Variants in INTS6 observed in about 807,000 individuals in gnomAD.
The protein encoded by INTS6 is DEAD box protein.
INTS6 carries 16 observed loss-of-function variants against 104.9 expected under a neutral mutation model. That is an observed-to-expected ratio of 0.15 (90% confidence interval 0.10 to 0.23). The LOEUF is 0.23. Among genes scored for constraint, INTS6 ranks in the 10% least tolerant of loss-of-function variants. The pLI is 1.00. For synonymous variants in INTS6, 324 were observed against 358.7 expected, an observed-to-expected ratio of 0.90 and a Z score of 1.09; for missense variants, 584 against 1,062.8, an observed-to-expected ratio of 0.55 and a Z score of 6.26.
At chr13:51,438,620 A>G (rs1952737865) in intron 3 of INTS6, 1 of 152,244 alleles carries the variant, frequency 6.6e-6, no homozygotes, top group African/African-American at 2.4e-5. Flanking sequence ...AATTTAAAAT[A>G]AAGACCTTCT....
intron 4 of INTS6, among the ~76,000 whole-genome samples, chr13:51,420,309 T>C (rs1237669066): frequency 6.6e-6 from 1 of 151,580 alleles, no homozygotes; most frequent in Non-Finnish European, 1.5e-5. Flanking sequence ...ATTTTTTTTT[T>C]TTTTTACTAA....
At chr13:51,349,576 C>T (rs1215106455), downstream of INTS6, among the ~76,000 whole-genome samples, 2 of 152,182 alleles carry the variant, frequency 1.3e-5, no homozygotes, top group African/African-American at 2.4e-5. Flanking sequence ...CGAGAATTCG[C>T]CACAACCTTT....
the INTS6 span, among the ~76,000 whole-genome samples, chr13:51,344,704 GCA>G: frequency 8.0e-5 from 12 of 150,364 alleles, no homozygotes; most frequent in Admixed American, 4.0e-4. Flanking sequence ...ATACACATGG[GCA>G]CACACACACA....
chr13:51,403,765 G>A (rs1956495478), intron 4 of INTS6, among the ~76,000 whole-genome samples: 1 of 152,034 alleles, frequency 6.6e-6, no homozygotes, highest in Non-Finnish European at 1.5e-5. Flanking sequence ...CACGAGTTTG[G>A]AAAAGGGAAA....
chr13:51,451,761 C>T (rs1262779176), intron 2 of INTS6, among the ~76,000 whole-genome samples: 1 of 148,620 alleles, frequency 6.7e-6, no homozygotes, highest in African/African-American at 2.5e-5. Flanking sequence ...CGGGCCGGGC[C>T]GGGAGGGGAC....
chr13:51,449,458 CAAGCAGTTTTTCGAAGG>C, intron 3 of INTS6: 1 of 984,614 alleles, frequency 1.0e-6, no homozygotes, highest in Non-Finnish European at 1.2e-6. Context: ...CTCTCCATGA[CAAGCAGTTTTTCGAAGG>C]AAGCAATCTT....
At chr13:51,381,612 T>C (rs1024731505) in intron 10 of INTS6, among the ~76,000 whole-genome samples, 51 of 152,302 alleles carry the variant, frequency 3.3e-4, no homozygotes, top group Admixed American at 2.0e-3. Context: ...TATGCTCAAT[T>C]TTCATGTCAT....
chr13:51,404,851 A>C (rs9316539), intron 4 of INTS6, among the ~76,000 whole-genome samples: 32,382 of 152,070 alleles, frequency 0.21, 3,535 homozygotes, highest in South Asian at 0.34. Context: ...ACATGTGGGG[A>C]CTTTTAAAAA....
chr13:51,341,049 C>T, the INTS6 span: 1 of 1,600,112 alleles, frequency 6.2e-7, no homozygotes. Context: ...CCAGCCTACC[C>T]TGCATCTCTT....
Position 51,361,816 on chromosome 13 carries a change from T to G in INTS6, c.*3936A>C. The G allele has an allele frequency of 6.2e-7, 1 of 1,604,384 alleles. No individual in the cohort carries two copies. The highest frequency in any genetic ancestry group is 2.2e-5 in the East Asian group (1 of 44,748). ...TTTTCTTTCTTTCCTGCAGCTCTGT[T>G]GTTATTGAAAAGGTCTCGGATTCCT... On this transcript the variant is annotated 3_prime_UTR_variant, in exon 18 of 18. Transcript: ENST00000311234.
chr13:51,365,260 G>A lies in INTS6; in HGVS notation c.*492C>T, dbSNP rs930068075. On this transcript the variant is annotated 3_prime_UTR_variant, in exon 18 of 18. Transcript: ENST00000311234. ...AGCATTTATTGATGGAATAACAAAA[G>A]TGCTTTTCTTAAATATTCTTCAAAA... 6.6e-6 allele frequency: 1 copy of A among 152,426 alleles called. No homozygotes were observed. Among genetic ancestry groups the A allele is most frequent in the African/African-American group, 2.4e-5 (1 of 41,406 alleles). 9.4% of individuals were successfully genotyped at this position (152,426 alleles called of 1,614,324 possible).
intron 4 of INTS6, among the ~76,000 whole-genome samples, chr13:51,427,514 C>T (rs1165833211): frequency 6.6e-6 from 1 of 152,124 alleles, no homozygotes; most frequent in African/African-American, 2.4e-5. Context: ...TTCACAATAT[C>T]TCACAACATT....
chr13:51,444,672 C>G (rs1191936089), intron 3 of INTS6: 1 of 151,636 alleles, frequency 6.6e-6, no homozygotes, highest in Non-Finnish European at 1.5e-5. Context: ...TGGCTTGAAC[C>G]CGGGAGGCAG....
intron 3 of INTS6, among the ~76,000 whole-genome samples, chr13:51,436,007 A>G (rs1016085796): frequency 6.6e-6 from 1 of 152,094 alleles, no homozygotes; most frequent in African/African-American, 2.4e-5. Context: ...CAGTAAGATT[A>G]TTATTTTTAT....
chr13:51,415,147 G>C (rs920926159), intron 4 of INTS6, among the ~76,000 whole-genome samples: 1 of 150,698 alleles, frequency 6.6e-6, no homozygotes, highest in East Asian at 1.9e-4. Flanking sequence ...AGGAAAGGAT[G>C]TACTAAATGG....
chr13:51,387,170 C>G (rs1006486051), intron 7 of INTS6, among the ~76,000 whole-genome samples: 1 of 152,070 alleles, frequency 6.6e-6, no homozygotes, highest in African/African-American at 2.4e-5. Flanking sequence ...AGATTCTAAA[C>G]GAAGGAGATG....
In INTS6 at chr13:51,452,809, C is replaced by G. The variant is rs1174640716; in HGVS notation, c.-284G>C. The G allele has an allele frequency of 1.8e-5, 21 of 1,181,206 alleles. No individual in the cohort carries two copies. Among genetic ancestry groups the G allele is most frequent in the Non-Finnish European group, 2.2e-5 (21 of 948,254 alleles). The allele number at this position is 1,181,206 out of a possible 1,614,324, so 73.2% of individuals were successfully genotyped here. ...AGCCGTCTGTCTGTCGGTTCGTCCC[C>G]CCCGCCTCGGGGGTCCCGTCCCCGC... is the stretch of plus-strand genomic sequence containing the variant. On this transcript the variant is annotated 5_prime_UTR_variant, in exon 1 of 18. Coordinates refer to ENST00000311234, the MANE Select transcript of INTS6 (RefSeq NM_012141.3). This position sits in a 1 kb window ranked among gnomAD's most constrained non-coding sequence, Gnocchi z 4.2.
At chr13:51,351,117 G>T (rs1460779600), downstream of INTS6, among the ~76,000 whole-genome samples, 1 of 152,060 alleles carries the variant, frequency 6.6e-6, no homozygotes. Context: ...ACAATCAAGT[G>T]CACATTTTTT....
chr13:51,450,621 A>AT, intron 3 of INTS6: 1 of 986,662 alleles, frequency 1.0e-6, no homozygotes, highest in South Asian at 4.7e-5. Context: ...CAACAAACAG[A>AT]TTAATTTCCT....
Sources: allele counts gnomAD v4.1 joint callset (sites outside exome capture counted in the v4.1 genomes callset), GRCh38; gene constraint gnomAD v4.1.1; non-coding constraint Gnocchi (gnomAD v3.1); transcripts MANE v1.5; gene names NCBI Gene and HGNC (gene_info 2026-07-23, HGNC 2026-07-21).